EPHB2: variants seen among roughly 807,000 people sequenced by gnomAD.
The protein encoded by EPHB2 is ephrin type-B receptor 2.
In EPHB2, 18 loss-of-function variants were observed where a neutral mutation model predicts 96.4. The ratio of observed to expected loss-of-function variants is 0.19; its 90% CI spans 0.13 to 0.28. EPHB2 has a LOEUF of 0.28. Ranked by LOEUF, EPHB2 falls within the 10% of genes least tolerant of loss-of-function variation. EPHB2 has a pLI of 1.00. For synonymous variants in EPHB2, 506 were observed against 534.1 expected, an observed-to-expected ratio of 0.95 and a Z score of 0.72; for missense variants, 989 against 1,355.4, an observed-to-expected ratio of 0.73 and a Z score of 4.25.
chr1:22,879,793 C>T (rs578070227), intron 5 of EPHB2, among the ~76,000 whole-genome samples: 99 of 152,372 alleles, frequency 6.5e-4, no homozygotes, highest in Non-Finnish European at 1.2e-3. Context: ...CCAGGTGCTA[C>T]ACTGAGCACA....
chr1:22,909,086 C>A lies in EPHB2; in HGVS notation c.2417C>A (p.Ala806Asp), dbSNP rs1227619656. The A allele has an allele frequency of 6.2e-7, 1 of 1,614,182 alleles. No homozygotes were observed. The highest frequency in any genetic ancestry group is 8.5e-7 in the Non-Finnish European group (1 of 1,180,036). ...EAIQYRKFTS[A>D]SDVWSYGIVM... is the part of the protein sequence containing the mutation. The stretch of plus-strand genomic sequence containing the variant: ...ATCCAGTACCGGAAGTTCACCTCGG[C>A]CAGTGATGTGTGGAGCTACGGCATT... The change falls in exon 13 of 16, where the codon GCC (alanine) becomes GAC (aspartate). Residue 806 changes from alanine (A) to aspartate (D), a missense_variant. Transcript: ENST00000374630.
intron 9 of EPHB2, among the ~76,000 whole-genome samples, chr1:22,899,322 TGA>T (rs1639674075): frequency 6.7e-6 from 1 of 149,058 alleles, no homozygotes; most frequent in East Asian, 2.0e-4. Context: ...ACCAACATGG[TGA>T]AACCCCATCT....
At chr1:22,883,018 G>A (rs1196294512) in intron 6 of EPHB2, among the ~76,000 whole-genome samples, 1 of 152,192 alleles carries the variant, frequency 6.6e-6, no homozygotes, top group Non-Finnish European at 1.5e-5. Flanking sequence ...CTCCCTTTGG[G>A]TGGAAGCCCC....
chr1:22,755,270 C>T (rs374679902), intron 1 of EPHB2, among the ~76,000 whole-genome samples: 7 of 152,150 alleles, frequency 4.6e-5, no homozygotes, highest in African/African-American at 1.4e-4. Context: ...TTGGCGAGGG[C>T]GTGGACATGC....
At chr1:22,802,851 G>A (rs1644865318) in intron 3 of EPHB2, among the ~76,000 whole-genome samples, 1 of 152,190 alleles carries the variant, frequency 6.6e-6, no homozygotes, top group Admixed American at 6.5e-5. Flanking sequence ...CAGGCCTTGT[G>A]CTGGGCCAGA....
In EPHB2 at chr1:22,795,179, G is replaced by A. The variant is rs192221780; in HGVS notation, c.811+10103G>A. 2.3e-3 allele frequency among the ~76,000 whole-genome samples: 347 copies of A among 152,312 alleles called. 1 individual carries two copies. The highest frequency in any genetic ancestry group is 7.9e-3 in the African/African-American group (328 of 41,578). On this transcript the variant is annotated intron_variant, in intron 3 of 15. Transcript: ENST00000374630. ...AAGAGGAACCGAGGCCCAGAGAGGG[G>A]AAGAAAGTTACCCAAGGCTGCATGG...
chr1:22,832,745 TCAC>T (rs1645324617), intron 3 of EPHB2, among the ~76,000 whole-genome samples: 1 of 152,178 alleles, frequency 6.6e-6, no homozygotes, highest in Non-Finnish European at 1.5e-5. Flanking sequence ...TCAGCAGTCA[TCAC>T]AACCGTTAGG....
At chr1:22,760,200 G>A (rs1644215590) in intron 1 of EPHB2, among the ~76,000 whole-genome samples, 2 of 152,008 alleles carry the variant, frequency 1.3e-5, no homozygotes, top group Non-Finnish European at 2.9e-5. Flanking sequence ...GTGGAGGTGG[G>A]GCACTCAGAA....
At chr1:22,824,398 A>G (rs2148478001) in intron 3 of EPHB2, among the ~76,000 whole-genome samples, 1 of 152,296 alleles carries the variant, frequency 6.6e-6, no homozygotes, top group East Asian at 1.9e-4. Context: ...TCCTGTGAAC[A>G]AGGCTGGCTT....
At chr1:22,758,139 C>T (rs532519396) in intron 1 of EPHB2, among the ~76,000 whole-genome samples, 34 of 144,806 alleles carry the variant, frequency 2.3e-4, no homozygotes, top group African/African-American at 8.1e-4. Flanking sequence ...AGGATGGTCT[C>T]AATCTCCTGA....
intron 1 of EPHB2, among the ~76,000 whole-genome samples, chr1:22,775,775 C>T (rs758138361): frequency 5.5e-4 from 84 of 152,364 alleles, no homozygotes; most frequent in Middle Eastern, 3.4e-3. Flanking sequence ...ACTCCCATGG[C>T]TGGGCCCCTG....
intron 1 of EPHB2, among the ~76,000 whole-genome samples, chr1:22,714,231 G>A (rs754660931): frequency 6.6e-5 from 10 of 152,104 alleles, no homozygotes; most frequent in Non-Finnish European, 1.2e-4. Context: ...TGAACCCCCC[G>A]GGGCGGCAGG....
chr1:22,762,141 C>T (rs780946689), intron 1 of EPHB2, among the ~76,000 whole-genome samples: 48 of 152,342 alleles, frequency 3.2e-4, no homozygotes, highest in Non-Finnish European at 6.2e-4. Flanking sequence ...TCATCTGAGG[C>T]GAACGTCTCC....
At chr1:22,895,724 T>C (rs2148570880) in intron 8 of EPHB2, 144 bp downstream of exon 8, 3 of 761,724 alleles carry the variant, frequency 3.9e-6, no homozygotes, top group Admixed American at 4.8e-5. Context: ...AGTGGAAGGC[T>C]TCAAGTGGCT....
In EPHB2 at chr1:22,858,654, G is replaced by A. The variant is rs1237446726; in HGVS notation, c.812-4383G>A. 6.6e-6 allele frequency among the ~76,000 whole-genome samples: 1 copy of A among 152,154 alleles called. No individual in the cohort carries two copies. Among genetic ancestry groups the A allele is most frequent in the Non-Finnish European group, 1.5e-5 (1 of 68,030 alleles). ...AGGTTCCCTTCCCACCCAGAAGTTG[G>A]GAGTGGTGTGGCCCCCCGGGCACTG... On this transcript the variant is annotated intron_variant, in intron 3 of 15. Coordinates refer to ENST00000374630, the MANE Select transcript of EPHB2 (RefSeq NM_017449.5). The surrounding 1 kb of genome is among the most constrained non-coding windows in gnomAD (Gnocchi z 7.7).
chr1:22,836,152 T>C (rs1188860193), intron 3 of EPHB2: 1 of 152,200 alleles, frequency 6.6e-6, no homozygotes, highest in East Asian at 1.9e-4. Flanking sequence ...GGCCCCGGCC[T>C]TTCCAGCGTA....
At chr1:22,776,683 C>T (rs905554555) in intron 1 of EPHB2, among the ~76,000 whole-genome samples, 3 of 152,194 alleles carry the variant, frequency 2.0e-5, no homozygotes, top group Non-Finnish European at 4.4e-5. Flanking sequence ...ATCATGATTA[C>T]GCTTTTTCCT....
At chr1:22,728,267 C>T (rs182124642) in intron 1 of EPHB2, among the ~76,000 whole-genome samples, 2 of 152,298 alleles carry the variant, frequency 1.3e-5, no homozygotes, top group South Asian at 2.1e-4. Flanking sequence ...ATATGATTTA[C>T]GGGTTCCTCA....
intron 14 of EPHB2, 129 bp from the exon 15 acceptor site, chr1:22,912,315 C>G: frequency 7.5e-7 from 1 of 1,329,812 alleles, no homozygotes; most frequent in Non-Finnish European, 1.1e-6. Context: ...CGTACATACC[C>G]CTTCACCTGT....
Sources: allele counts gnomAD v4.1 joint callset (sites outside exome capture counted in the v4.1 genomes callset), GRCh38; gene constraint gnomAD v4.1.1; non-coding constraint Gnocchi (gnomAD v3.1); transcripts MANE v1.5; gene names NCBI Gene and HGNC (gene_info 2026-07-23, HGNC 2026-07-21).